Variants in MYO9A observed in about 807,000 individuals in gnomAD.
MYO9A encodes unconventional myosin-IXa.
Under a neutral mutation model 293.3 loss-of-function variants are expected in MYO9A, and 103 were observed. The observed-to-expected ratio is 0.35, with a 90% CI of 0.30 to 0.41. The LOEUF (loss-of-function observed/expected upper bound fraction) is 0.41. Among genes scored for constraint, MYO9A ranks in the 10% least tolerant of loss-of-function variants. MYO9A has a pLI of 1.00. For synonymous variants in MYO9A, 1,001 were observed against 1,035.7 expected, an observed-to-expected ratio of 0.97 and a Z score of 0.64; for missense variants, 2,685 against 3,033.0, an observed-to-expected ratio of 0.89 and a Z score of 2.69.
Position 72,046,466 on chromosome 15 carries a change from G to A in MYO9A, c.98C>T (p.Pro33Leu), listed in dbSNP as rs770090394. The A allele has an allele frequency of 4.3e-6, 7 of 1,613,970 alleles. No individual in the cohort carries two copies. The highest frequency in any genetic ancestry group is 2.2e-5 in the East Asian group (1 of 44,896). Reference sequence around the variant, plus strand: ...TGTGGAGTTTTTTCTGGCAGGAATCGGACAGTAGATTGTCCCTTCTGAAAT... The same window carrying A: ...TGTGGAGTTTTTTCTGGCAGGAATCAGACAGTAGATTGTCCCTTCTGAAAT... ...GAISEGTIYC[P>L]IPARKNSTAA... Residue 33 changes from proline to leucine, a missense_variant, in exon 2 of 42, where the codon CCG becomes CTG. By Grantham distance (98) the Pro-to-Leu change is moderately conservative (BLOSUM62 -3). Around this residue, in one of 10 missense-constraint regions of MYO9A, gnomAD observed 67 missense variants for 63.2 expected, o/e 1.06. Transcript: ENST00000356056.
At chr15:71,995,920 T>C (rs796916966) in intron 9 of MYO9A, among the ~76,000 whole-genome samples, 19 of 152,294 alleles carry the variant, frequency 1.2e-4, no homozygotes, top group African/African-American at 4.3e-4. Context: ...AAGCTTCAAG[T>C]TCCTAGACCA....
At chr15:72,003,181 A>T (rs2076917162) in intron 8 of MYO9A, among the ~76,000 whole-genome samples, 2 of 151,908 alleles carry the variant, frequency 1.3e-5, no homozygotes, top group South Asian at 4.2e-4. Flanking sequence ...AGGCAGGAGA[A>T]TCGCTTGAAC....
At position 71,968,052 on chromosome 15, in the gene MYO9A, A is replaced by G; in HGVS notation, c.1918T>C (p.Phe640Leu). 6.2e-7 allele frequency: 1 copy of G among 1,613,082 alleles called. No homozygotes were observed. The highest frequency in any genetic ancestry group is 1.1e-5 in the South Asian group (1 of 90,946). Residue 640 changes from phenylalanine (F) to leucine (L), a missense_variant, in exon 13 of 42, where the codon TTT (phenylalanine) becomes CTT (leucine). This residue lies in a region of MYO9A where 201 missense variants were observed against 245.2 expected (regional missense o/e 0.82). Coordinates refer to ENST00000356056, the MANE Select transcript of MYO9A (RefSeq NM_006901.4). ...HQHEDNSYIE[F>L]PAVMEPAFII... Reference sequence around the variant, plus strand: ...AAAGCAGGCTCCATCACGGCTGGAAATTCGATGTAAGAATTATCTTCATGT... The same window carrying G: ...AAAGCAGGCTCCATCACGGCTGGAAGTTCGATGTAAGAATTATCTTCATGT...
intron 6 of MYO9A, among the ~76,000 whole-genome samples, chr15:72,015,133 G>A (rs962018036): frequency 6.6e-6 from 1 of 151,384 alleles, no homozygotes; most frequent in African/African-American, 2.4e-5. Flanking sequence ...GTGACCCACC[G>A]CACCTGGCCA....
intron 11 of MYO9A, 97 bp downstream of exon 11, chr15:71,991,006 T>G: frequency 8.6e-7 from 1 of 1,163,224 alleles, no homozygotes; most frequent in Non-Finnish European, 1.2e-6. Flanking sequence ...ACTATGTAAA[T>G]CAATAAAATG....
At chr15:71,953,258 T>C (rs983328854) in intron 14 of MYO9A, among the ~76,000 whole-genome samples, 3 of 152,294 alleles carry the variant, frequency 2.0e-5, no homozygotes, top group African/African-American at 7.2e-5. Context: ...CCTTGATGGA[T>C]TGCTTGGAGA....
chr15:71,915,082 A>T (rs1198509845), intron 19 of MYO9A, among the ~76,000 whole-genome samples: 1 of 152,294 alleles, frequency 6.6e-6, no homozygotes. Context: ...ATGCTAATAA[A>T]CTAAAAAATT....
At chr15:72,047,867 A>C (rs11072341) in intron 1 of MYO9A, among the ~76,000 whole-genome samples, 2 of 145,690 alleles carry the variant, frequency 1.4e-5, no homozygotes, top group East Asian at 4.1e-4. Flanking sequence ...ACCCTCCATC[A>C]CCCGGGCTCA....
chr15:72,087,661 C>A (rs2079783560), intron 1 of MYO9A, among the ~76,000 whole-genome samples: 1 of 152,140 alleles, frequency 6.6e-6, no homozygotes, highest in Non-Finnish European at 1.5e-5. Flanking sequence ...CAGTGCCTTC[C>A]CTCTGAAGAT....
chr15:72,070,452 CAAAA>C (rs75023888), intron 1 of MYO9A, among the ~76,000 whole-genome samples: 3 of 97,502 alleles, frequency 3.1e-5, no homozygotes, highest in Non-Finnish European at 4.4e-5. Context: ...GACTCTGCCT[CAAAA>C]AAAAAAAAAA....
At chr15:72,043,080 A>C (rs560719700) in intron 2 of MYO9A, among the ~76,000 whole-genome samples, 8 of 143,992 alleles carry the variant, frequency 5.6e-5, no homozygotes, top group Admixed American at 2.8e-4. Flanking sequence ...AAAAACAAAC[A>C]AAAAAAAAAG....
In MYO9A at chr15:71,879,791, T is replaced by C. The variant is rs1316063291; in HGVS notation, c.5669A>G (p.Asp1890Gly). The C allele has an allele frequency of 6.2e-7, 1 of 1,613,604 alleles. No individual in the cohort carries two copies. The highest frequency in any genetic ancestry group is 1.3e-5 in the African/African-American group (1 of 74,924). The change falls in exon 30 of 42, where the codon GAT becomes GGT. Residue 1890 changes from aspartate to glycine, a missense_variant. Physicochemically the swap from Asp to Gly is moderately conservative, Grantham distance 94 (BLOSUM62 -1). Transcript: ENST00000356056. ...NEDSKKDTLVDVVFKKALKEF... is the reference protein window; with the variant it reads ...NEDSKKDTLVGVVFKKALKEF... ...CTTCAGGGCTTTTTTAAATACAACA[T>C]CCACTAGTGTATCCTTCTTGCTGTC...
chr15:71,897,223 C>G (rs533914202), intron 25 of MYO9A: 27 of 487,220 alleles, frequency 5.5e-5, no homozygotes, highest in Non-Finnish European at 9.1e-5. Context: ...ATGCTTCTCA[C>G]TTAATGGGGA....
intron 31 of MYO9A, among the ~76,000 whole-genome samples, chr15:71,876,168 C>T (rs533099785): frequency 5.1e-4 from 73 of 143,976 alleles, no homozygotes; most frequent in Middle Eastern, 7.5e-3. Flanking sequence ...TTTTTTGAGA[C>T]GGAGTCTTGC....
chr15:71,865,034 A>T (rs2056277307), intron 32 of MYO9A, among the ~76,000 whole-genome samples: 1 of 152,222 alleles, frequency 6.6e-6, no homozygotes, highest in Admixed American at 6.5e-5. Flanking sequence ...ATATGATTTT[A>T]CAGTGGTACA....
intron 25 of MYO9A, 40 bp from the exon 26 acceptor site, chr15:71,893,818 A>C: frequency 6.5e-7 from 1 of 1,533,928 alleles, no homozygotes; most frequent in African/African-American, 1.4e-5. Context: ...AGTTCTTAGC[A>C]GATATCCCAT....
intron 11 of MYO9A, among the ~76,000 whole-genome samples, chr15:71,980,871 C>T (rs951488924): frequency 9.9e-5 from 15 of 152,174 alleles, no homozygotes; most frequent in African/African-American, 3.4e-4. Flanking sequence ...GCAAAACTCT[C>T]GGAAAACATT....
chr15:72,044,700 A>G (rs145714197), intron 2 of MYO9A, among the ~76,000 whole-genome samples: 29 of 152,272 alleles, frequency 1.9e-4, no homozygotes, highest in African/African-American at 6.5e-4. Flanking sequence ...ACAACTAAAC[A>G]TTTTTCCCAT....
chr15:71,949,418 T>C (rs1056878329), intron 15 of MYO9A, among the ~76,000 whole-genome samples: 1 of 151,044 alleles, frequency 6.6e-6, no homozygotes, highest in Non-Finnish European at 1.5e-5. Context: ...TGGGTGTTTT[T>C]TTGTTTTTTT....
Sources: allele counts gnomAD v4.1 joint callset (sites outside exome capture counted in the v4.1 genomes callset), GRCh38; gene constraint gnomAD v4.1.1; regional missense constraint gnomAD v4.1.1; transcripts MANE v1.5; gene names NCBI Gene and HGNC (gene_info 2026-07-23, HGNC 2026-07-21).